ATP10B: variants seen among roughly 807,000 people sequenced by gnomAD.
ATP10B encodes the protein phospholipid-transporting ATPase VB.
In ATP10B, 122 loss-of-function variants were observed where a neutral mutation model predicts 141.2. The ratio of observed to expected loss-of-function variants is 0.86; its 90% CI spans 0.75 to 1.00. The LOEUF (loss-of-function observed/expected upper bound fraction) is 1.00, where lower values mean the gene tolerates loss of function less well. ATP10B is among the 50% of genes least tolerant of loss of function. ATP10B has a pLI of 0.00. For synonymous variants in ATP10B, 685 were observed against 692.0 expected (o/e 0.99, Z 0.16); for missense variants, 1,876 against 1,825.3 (o/e 1.03, Z -0.51).
intron 22 of ATP10B, among the ~76,000 whole-genome samples, chr5:160,595,463 A>G (rs1756611935): frequency 6.6e-6 from 1 of 152,150 alleles, no homozygotes; most frequent in Admixed American, 6.5e-5. Context: ...TTGACACCCT[A>G]ACATCACAAT....
At chr5:160,804,725 C>G (rs989364358) in intron 1 of ATP10B, among the ~76,000 whole-genome samples, 1 of 152,154 alleles carries the variant, frequency 6.6e-6, no homozygotes, top group Non-Finnish European at 1.5e-5. Context: ...ATCTTGGTTC[C>G]ATTACTTCAC....
At chr5:160,790,432 C>T (rs1378567004) in intron 1 of ATP10B, among the ~76,000 whole-genome samples, 1 of 152,128 alleles carries the variant, frequency 6.6e-6, no homozygotes. Flanking sequence ...GAAAACTACT[C>T]CTAGAAGTCA....
intron 2 of ATP10B, among the ~76,000 whole-genome samples, chr5:160,750,932 A>G (rs541481890): frequency 6.6e-6 from 1 of 152,192 alleles, no homozygotes; most frequent in South Asian, 2.1e-4. Flanking sequence ...GCTCTCCCCT[A>G]CACTTTCTTT....
chr5:160,596,894 G>A (rs1255529475), intron 22 of ATP10B, among the ~76,000 whole-genome samples: 5 of 152,132 alleles, frequency 3.3e-5, no homozygotes, highest in Middle Eastern at 3.2e-3. Flanking sequence ...AAATAAAAGA[G>A]GATACAAAGA....
At chr5:160,655,933 G>A (rs1761464567) in intron 7 of ATP10B, among the ~76,000 whole-genome samples, 1 of 152,224 alleles carries the variant, frequency 6.6e-6, no homozygotes. Context: ...CTTTGAGAGC[G>A]AAGGAAAGTG....
At chr5:160,749,616 C>T (rs561152603) in intron 2 of ATP10B, among the ~76,000 whole-genome samples, 1 of 152,264 alleles carries the variant, frequency 6.6e-6, no homozygotes, top group South Asian at 2.1e-4. Context: ...GAACACATCA[C>T]CTAGTTGTGG....
At chr5:160,666,134 T>C (rs1280669176) in intron 7 of ATP10B, among the ~76,000 whole-genome samples, 2 of 152,110 alleles carry the variant, frequency 1.3e-5, no homozygotes. Flanking sequence ...TTCTCCCCAT[T>C]ATTAGGATAA....
At chr5:160,590,403 G>A (rs535391262) in intron 23 of ATP10B, among the ~76,000 whole-genome samples, 1 of 152,208 alleles carries the variant, frequency 6.6e-6, no homozygotes, top group South Asian at 2.1e-4. Flanking sequence ...CCCAGAGGTT[G>A]GATAAGCAAC....
chr5:160,614,253 G>C (rs1757882494), intron 17 of ATP10B: 1 of 152,154 alleles, frequency 6.6e-6, no homozygotes, highest in South Asian at 2.1e-4. Flanking sequence ...TTATTACGGT[G>C]AGGCAGAGTG....
intron 1 of ATP10B, among the ~76,000 whole-genome samples, chr5:160,817,135 G>A (rs1382337386): frequency 2.6e-5 from 4 of 152,170 alleles, no homozygotes; most frequent in Non-Finnish European, 5.9e-5. Context: ...TCAACATAAT[G>A]TTGGAAGTTC....
At chr5:160,776,061 A>G (rs1261188991) in intron 2 of ATP10B, among the ~76,000 whole-genome samples, 1 of 152,188 alleles carries the variant, frequency 6.6e-6, no homozygotes, top group Non-Finnish European at 1.5e-5. Context: ...GTTACTGTCA[A>G]GAGTATTCAG....
chr5:160,769,263 T>G (rs4352637), intron 2 of ATP10B, among the ~76,000 whole-genome samples: 31,000 of 152,202 alleles, frequency 0.2, 3,784 homozygotes, highest in East Asian at 0.51. Flanking sequence ...AAGACAGCTT[T>G]GTTGCCAATC....
In ATP10B at chr5:160,654,325, C is replaced by T. The variant is rs990743944; in HGVS notation, c.676-5069G>A. 4.0e-5 allele frequency among the ~76,000 whole-genome samples: 6 copies of T among 151,866 alleles called. No individual in the cohort carries two copies. In the East Asian group the frequency reaches 1.2e-3, roughly 29 times the overall value. On this transcript the variant is annotated intron_variant, in intron 7 of 25. Transcript: ENST00000327245. ...ATTCCCTTGTGAGACGGTGTAATGT[C>T]CTCTCACTACCCTGTAGTTTTTCTT... is the stretch of plus-strand genomic sequence containing the variant.
intron 1 of ATP10B, among the ~76,000 whole-genome samples, chr5:160,793,730 C>T (rs1020580677): frequency 6.6e-6 from 1 of 152,206 alleles, no homozygotes; most frequent in Non-Finnish European, 1.5e-5. Context: ...ACCACTCATT[C>T]ACTGACTCAC....
intron 1 of ATP10B, among the ~76,000 whole-genome samples, chr5:160,848,991 T>C (rs189762553): frequency 6.6e-6 from 1 of 152,192 alleles, no homozygotes; most frequent in Non-Finnish European, 1.5e-5. Context: ...TGAAGGCCTA[T>C]TTAAAACAGA....
intron 3 of ATP10B, among the ~76,000 whole-genome samples, chr5:160,691,154 T>C (rs1764052870): frequency 6.6e-6 from 1 of 151,998 alleles, no homozygotes; most frequent in Non-Finnish European, 1.5e-5. Flanking sequence ...GGAGTTGCAC[T>C]ATGAGAACAC....
intron 4 of ATP10B, 133 bp from the exon 5 acceptor site, chr5:160,688,227 C>G: frequency 1.1e-6 from 1 of 869,768 alleles, no homozygotes; most frequent in Non-Finnish European, 1.7e-6. Context: ...TTCCTTGTAA[C>G]TAAAGGTCAC....
chr5:160,810,087 G>T (rs962833238), intron 1 of ATP10B, among the ~76,000 whole-genome samples: 2 of 151,996 alleles, frequency 1.3e-5, no homozygotes, highest in African/African-American at 4.8e-5. Context: ...GATGAATTTT[G>T]CCAGGAGTAA....
At chr5:160,625,873 T>C (rs1430016682) in intron 13 of ATP10B, among the ~76,000 whole-genome samples, 1 of 152,246 alleles carries the variant, frequency 6.6e-6, no homozygotes, top group African/African-American at 2.4e-5. Context: ...TGCTGTCTGT[T>C]CATTAAAACT....
Sources: allele counts gnomAD v4.1 joint callset (sites outside exome capture counted in the v4.1 genomes callset), GRCh38; gene constraint gnomAD v4.1.1; transcripts MANE v1.5; gene names NCBI Gene and HGNC (gene_info 2026-07-23, HGNC 2026-07-21).